Variants in NOX4 observed in about 807,000 individuals in gnomAD.
NOX4 encodes NADPH oxidase 4.
Under a neutral mutation model 87.6 loss-of-function variants are expected in NOX4, and 69 were observed. The ratio of observed to expected loss-of-function variants is 0.79; its 90% CI spans 0.65 to 0.96. The LOEUF is 0.96. Among genes scored for constraint, NOX4 ranks in the 40% least tolerant of loss-of-function variants. The probability of loss-of-function intolerance (pLI) is 0.00; values close to 1 mark genes in which losing one functional copy is unlikely to be tolerated. For missense variants in NOX4, 680 were observed against 681.5 expected (o/e 1.00, Z 0.02); for synonymous variants, 275 against 238.2 (o/e 1.15, Z -1.42).
upstream of NOX4, among the ~76,000 whole-genome samples, chr11:89,492,399 T>A (rs143108075): frequency 2.6e-5 from 4 of 152,328 alleles, no homozygotes; most frequent in East Asian, 5.8e-4. Flanking sequence ...TTTTAAACTC[T>A]TAAAATAAAA....
intron 6 of NOX4, among the ~76,000 whole-genome samples, chr11:89,438,364 A>G (rs988150953): frequency 9.0e-6 from 1 of 111,556 alleles, no homozygotes; most frequent in Non-Finnish European, 1.7e-5. Flanking sequence ...TATATATTAT[A>G]TAATATATAT....
chr11:89,490,813 C>T (rs1310539134), intron 1 of NOX4: 3 of 698,290 alleles, frequency 4.3e-6, no homozygotes, highest in South Asian at 1.5e-5. Flanking sequence ...TATCCCCTGC[C>T]GTACAAAATG....
chr11:89,409,216 G>A (rs1942345257), intron 8 of NOX4, among the ~76,000 whole-genome samples: 3 of 152,086 alleles, frequency 2.0e-5, no homozygotes, highest in Admixed American at 6.6e-5. Flanking sequence ...TACTGAAAAT[G>A]TTTCTTAAAT....
At chr11:89,329,334 G>C (rs565877825) in intron 17 of NOX4, among the ~76,000 whole-genome samples, 2 of 100,148 alleles carry the variant, frequency 2.0e-5, no homozygotes, top group South Asian at 3.5e-4. Context: ...TATCCAAATT[G>C]AAGCCCACAG....
chr11:89,379,404 T>C (rs1454710848), intron 11 of NOX4, among the ~76,000 whole-genome samples: 1 of 151,576 alleles, frequency 6.6e-6, no homozygotes, highest in Non-Finnish European at 1.5e-5. Flanking sequence ...TGTCTGTATA[T>C]GGGGTAATTT....
the NOX4 span, among the ~76,000 whole-genome samples, chr11:89,555,525 T>C: frequency 6.6e-6 from 1 of 152,188 alleles, no homozygotes; most frequent in African/African-American, 2.4e-5. Context: ...ATTCTTTATT[T>C]ATCCTGTTAT....
rs577998645 is a variant in NOX4 at position 89,382,763 on chromosome 11, G to A, written c.1075-9271C>T. Among the ~76,000 whole-genome samples the A allele has an allele frequency of 7.4e-4, 112 of 151,996 alleles. 1 individual carries two copies. The East Asian group carries it at 0.013, about 17-fold the overall frequency. ...CACACCCAGTCTGGCTTACAGTTTT[G>A]TTCTGTGACTAGCCCTCCCCCACCT... On this transcript the variant is annotated intron_variant, in intron 11 of 17. Transcript: ENST00000263317.
the NOX4 span, among the ~76,000 whole-genome samples, chr11:89,515,757 C>T: frequency 6.6e-6 from 1 of 151,884 alleles, no homozygotes; most frequent in South Asian, 2.1e-4. Context: ...AATAGATATT[C>T]ATTTTCTTCC....
chr11:89,375,747 T>C (rs992267839), intron 11 of NOX4, among the ~76,000 whole-genome samples: 21 of 152,208 alleles, frequency 1.4e-4, no homozygotes, highest in Non-Finnish European at 2.2e-4. Context: ...ATAATAAAAG[T>C]TGTAGCTCTC....
At chr11:89,378,633 C>T (rs1940041500) in intron 11 of NOX4, among the ~76,000 whole-genome samples, 1 of 151,626 alleles carries the variant, frequency 6.6e-6, no homozygotes, top group South Asian at 2.1e-4. Flanking sequence ...ATAGTAAATA[C>T]TGGAAGAAAA....
intron 2 of NOX4, among the ~76,000 whole-genome samples, chr11:89,465,697 T>C (rs1945658629): frequency 6.6e-6 from 1 of 152,166 alleles, no homozygotes. Flanking sequence ...TGGTATCTCA[T>C]TGTGGTTTTG....
intron 13 of NOX4, among the ~76,000 whole-genome samples, chr11:89,343,768 G>C (rs1946103603): frequency 6.6e-6 from 1 of 151,970 alleles, no homozygotes; most frequent in Non-Finnish European, 1.5e-5. Context: ...TTAAAGTCTT[G>C]CTATAACATA....
intron 12 of NOX4, among the ~76,000 whole-genome samples, chr11:89,365,855 G>T (rs772527058): frequency 6.6e-6 from 1 of 151,602 alleles, no homozygotes; most frequent in Non-Finnish European, 1.5e-5. Context: ...GCAATATATG[G>T]GCCTTTAAAG....
chr11:89,359,278 C>T (rs1938328520), intron 12 of NOX4, among the ~76,000 whole-genome samples: 1 of 151,868 alleles, frequency 6.6e-6, no homozygotes, highest in Non-Finnish European at 1.5e-5. Flanking sequence ...CAAGATGTTT[C>T]ATTTTCTCCT....
At chr11:89,582,323 G>T in the NOX4 span, among the ~76,000 whole-genome samples, 1 of 151,816 alleles carries the variant, frequency 6.6e-6, no homozygotes, top group African/African-American at 2.4e-5. Context: ...TGTGGCTATT[G>T]TGAATAATGC....
intron 2 of NOX4, among the ~76,000 whole-genome samples, chr11:89,476,622 C>T (rs1418870953): frequency 1.3e-5 from 2 of 152,082 alleles, no homozygotes; most frequent in Non-Finnish European, 2.9e-5. Flanking sequence ...ACCTAGTAGG[C>T]AGATCCAACA....
At chr11:89,359,444 G>T (rs1938342654) in intron 12 of NOX4, among the ~76,000 whole-genome samples, 1 of 145,568 alleles carries the variant, frequency 6.9e-6, no homozygotes. Context: ...GCAGTGGCAT[G>T]ATCTCAGCTC....
At chr11:89,552,382 G>T in the NOX4 span, among the ~76,000 whole-genome samples, 58,018 of 151,956 alleles carry the variant, frequency 0.38, 11,346 homozygotes, top group African/African-American at 0.46. Flanking sequence ...TTTAGCCTTT[G>T]CAGAGGAACT....
intron 17 of NOX4, among the ~76,000 whole-genome samples, chr11:89,331,173 T>G (rs561835248): frequency 6.6e-6 from 1 of 151,962 alleles, no homozygotes; most frequent in East Asian, 1.9e-4. Context: ...AACTAGAAAT[T>G]AAGAACAAAA....
Sources: gnomAD v4.1 joint callset for allele counts (sites outside exome capture counted in the v4.1 genomes callset) on GRCh38, gnomAD v4.1.1 for gene constraint, MANE v1.5 for transcripts, NCBI Gene and HGNC (gene_info 2026-07-23, HGNC 2026-07-21) for gene names.